ZNF732: variants seen among roughly 807,000 people sequenced by gnomAD.
The protein encoded by ZNF732 is zinc finger protein LOC654254.
ZNF732 carries 12 observed loss-of-function variants against 11.5 expected under a neutral mutation model. That is an observed-to-expected ratio of 1.05 (90% confidence interval 0.67 to 1.70). The LOEUF is 1.70. ZNF732 is among the 40% of genes most tolerant of loss of function. The probability of loss-of-function intolerance (pLI) is 0.00; values close to 1 mark genes in which losing one functional copy is unlikely to be tolerated. For synonymous variants in ZNF732, 231 were observed against 236.5 expected, an observed-to-expected ratio of 0.98 and a Z score of 0.21; for missense variants, 702 against 676.9, an observed-to-expected ratio of 1.04 and a Z score of -0.41.
intron 3 of ZNF732, among the ~76,000 whole-genome samples, chr4:284,880 A>C (rs2108655793): frequency 6.7e-6 from 1 of 149,986 alleles, no homozygotes; most frequent in Middle Eastern, 3.4e-3. Context: ...CAAAAAAAAA[A>C]AAAAAAAAAA....
At chr4:273,341 T>C (rs200487933) in intron 3 of ZNF732, among the ~76,000 whole-genome samples, 1 of 152,108 alleles carries the variant, frequency 6.6e-6, no homozygotes, top group East Asian at 1.9e-4. Flanking sequence ...ATTGTAAAGG[T>C]TGTGATAAAT....
chr4:293,321 TAC>T (rs1471899176), intron 3 of ZNF732, among the ~76,000 whole-genome samples: 3 of 146,862 alleles, frequency 2.0e-5, no homozygotes, highest in Non-Finnish European at 1.5e-5. Flanking sequence ...TATATATATA[TAC>T]ACACACACAC....
At chr4:293,218 C>T (rs1719877643) in intron 3 of ZNF732, among the ~76,000 whole-genome samples, 2 of 135,912 alleles carry the variant, frequency 1.5e-5, no homozygotes, top group South Asian at 4.3e-4. Flanking sequence ...AGTATATTTA[C>T]AATAGCCAAA....
At chr4:287,989 A>G (rs1460689134) in intron 3 of ZNF732, among the ~76,000 whole-genome samples, 2 of 151,748 alleles carry the variant, frequency 1.3e-5, no homozygotes, top group African/African-American at 4.8e-5. Flanking sequence ...TTAATGCACA[A>G]CAATAACCTT....
At chr4:292,090 T>TA (rs1719851248) in intron 3 of ZNF732, among the ~76,000 whole-genome samples, 1 of 152,146 alleles carries the variant, frequency 6.6e-6, no homozygotes, top group Admixed American at 6.5e-5. Context: ...CAATATAAGA[T>TA]AAAAAACCTT....
Position 271,783 on chromosome 4 carries a change from T to G in ZNF732, c.1074A>C (p.Gly358=). The G allele has an allele frequency of 6.2e-7, 1 of 1,612,428 alleles. No homozygotes were observed. The highest frequency in any genetic ancestry group is 8.5e-7 in the Non-Finnish European group (1 of 1,179,016). The change falls in exon 4 of 4, where the codon GGA becomes GGC. Residue 358 remains glycine (G), a synonymous_variant. Transcript: ENST00000419098. Reference sequence around the variant, plus strand: ...ATTGTTCACATTTGTAGGGCTTCTCTCCAGTATGAATTCTCTTATGTTCAT... The same window carrying G: ...ATTGTTCACATTTGTAGGGCTTCTCGCCAGTATGAATTCTCTTATGTTCAT... The part of the protein sequence containing the change: ...VLNEHKRIHT[G]EKPYKCEQCG...
At chr4:298,579 C>T (rs367995988) in intron 1 of ZNF732, among the ~76,000 whole-genome samples, 8 of 152,140 alleles carry the variant, frequency 5.3e-5, no homozygotes, top group Non-Finnish European at 1.5e-5. Context: ...ACAGGACATC[C>T]GCAGATGTCT....
intron 3 of ZNF732, among the ~76,000 whole-genome samples, chr4:280,308 A>AC (rs1719592742): frequency 6.7e-6 from 1 of 149,172 alleles, no homozygotes; most frequent in Non-Finnish European, 1.5e-5. Flanking sequence ...AAAAAAAAAA[A>AC]CGGCCAGCTG....
intron 1 of ZNF732, among the ~76,000 whole-genome samples, chr4:299,693 A>G (rs1720072162): frequency 7.2e-6 from 1 of 139,502 alleles, no homozygotes; most frequent in Admixed American, 7.4e-5. Flanking sequence ...AAATATATAT[A>G]CTTTTTTTTT....
At chr4:277,252 C>T (rs1346663454) in intron 3 of ZNF732, among the ~76,000 whole-genome samples, 4 of 151,890 alleles carry the variant, frequency 2.6e-5, no homozygotes, top group Non-Finnish European at 4.4e-5. Flanking sequence ...CTTAAGACCT[C>T]AAAATCACAG....
At chr4:290,566 G>A (rs562896628) in intron 3 of ZNF732, among the ~76,000 whole-genome samples, 8 of 152,266 alleles carry the variant, frequency 5.3e-5, no homozygotes, top group Admixed American at 1.3e-4. Flanking sequence ...GTGGCCATTC[G>A]TACACATTCA....
intron 3 of ZNF732, among the ~76,000 whole-genome samples, chr4:284,891 A>AAAAAAAAAAAAAG (rs782343752): frequency 4.6e-5 from 6 of 129,114 alleles, no homozygotes; most frequent in Non-Finnish European, 7.8e-5. Flanking sequence ...AAAAAAAAAA[A>AAAAAAAAAAAAAG]AAGAAGAAGA....
intron 3 of ZNF732, among the ~76,000 whole-genome samples, chr4:294,823 C>G (rs1454152875): frequency 4.6e-5 from 7 of 152,202 alleles, no homozygotes. Context: ...TTTTCACATA[C>G]AGAGTTTAAA....
At chr4:290,029 T>C (rs1465340799) in intron 3 of ZNF732, among the ~76,000 whole-genome samples, 1 of 152,218 alleles carries the variant, frequency 6.6e-6, no homozygotes, top group African/African-American at 2.4e-5. Context: ...AATGAAAATA[T>C]CTTGTCAGAT....
At chr4:293,005 T>A (rs764558781) in intron 3 of ZNF732, among the ~76,000 whole-genome samples, 3 of 135,280 alleles carry the variant, frequency 2.2e-5, no homozygotes, top group Non-Finnish European at 3.1e-5. Flanking sequence ...GTGGCGGAGG[T>A]TGCAGTGAGC....
intron 3 of ZNF732, among the ~76,000 whole-genome samples, chr4:289,491 A>G (rs929445331): frequency 9.2e-5 from 14 of 152,258 alleles, no homozygotes; most frequent in African/African-American, 3.4e-4. Flanking sequence ...TCTGATTACC[A>G]GAAGTTTTAC....
intron 3 of ZNF732, among the ~76,000 whole-genome samples, chr4:287,004 A>T (rs1261515106): frequency 6.6e-6 from 1 of 151,974 alleles, no homozygotes; most frequent in Non-Finnish European, 1.5e-5. Context: ...TATGAAAATT[A>T]TCTGGGCGTG....
intron 3 of ZNF732, among the ~76,000 whole-genome samples, chr4:288,371 T>C (rs66712247): frequency 0.17 from 25,339 of 152,224 alleles, 2,371 homozygotes; most frequent in Non-Finnish European, 0.22. Context: ...AATTGTAAAG[T>C]TATAATTCTT....
intron 1 of ZNF732, among the ~76,000 whole-genome samples, chr4:301,137 CAG>C (rs1720109513): frequency 1.3e-5 from 2 of 152,186 alleles, no homozygotes; most frequent in Non-Finnish European, 2.9e-5. Context: ...CACTGGCCAT[CAG>C]AGAAAATGCA....
Sources: allele counts gnomAD v4.1 joint callset (sites outside exome capture counted in the v4.1 genomes callset), GRCh38; gene constraint gnomAD v4.1.1; transcripts MANE v1.5; gene names NCBI Gene and HGNC (gene_info 2026-07-23, HGNC 2026-07-21).